Variants in SMAD2 observed in about 807,000 individuals in gnomAD.
The protein encoded by SMAD2 is SMAD family member 2, also known as MAD homolog 2.
In SMAD2, 8 loss-of-function variants were observed where a neutral mutation model predicts 64.4. That is an observed-to-expected ratio of 0.12 (90% CI 0.07 to 0.22). SMAD2 has a LOEUF of 0.22. Among genes scored for constraint, SMAD2 ranks in the 10% least tolerant of loss-of-function variants. The probability of loss-of-function intolerance (pLI) is 1.00; values close to 1 mark genes in which losing one functional copy is unlikely to be tolerated. For missense variants in SMAD2, 289 were observed against 561.2 expected, an observed-to-expected ratio of 0.51 and a Z score of 4.90; for synonymous variants, 203 against 195.8, an observed-to-expected ratio of 1.04 and a Z score of -0.31.
Position 47,823,366 on chromosome 18 carries a change from C to CT in SMAD2, c.*18460dup, listed in dbSNP as rs917044207. The CT allele has an allele frequency of 6.6e-6, 1 of 152,170 alleles. No individual in the cohort carries two copies. Among genetic ancestry groups the CT allele is most frequent in the African/African-American group, 2.4e-5 (1 of 41,434 alleles). 9.4% of individuals were successfully genotyped at this position (152,170 alleles called of 1,614,324 possible). On this transcript the variant is annotated 3_prime_UTR_variant, in exon 11 of 11. Transcript: ENST00000262160. ...ACATCTTTGGTAAAAATCAGGGTAA[C>CT]TTTAAGTTTCTGAAGAAAGCTATAT...
chr18:47,892,613 C>T (rs1034943325), intron 2 of SMAD2, among the ~76,000 whole-genome samples: 3 of 151,684 alleles, frequency 2.0e-5, no homozygotes, highest in African/African-American at 7.3e-5. Context: ...TTTCGCTATT[C>T]TTGTTTAATT....
At chr18:47,862,017 G>A (rs899222741) in intron 6 of SMAD2, among the ~76,000 whole-genome samples, 1 of 152,198 alleles carries the variant, frequency 6.6e-6, no homozygotes, top group Non-Finnish European at 1.5e-5. Flanking sequence ...GTCTCACTAT[G>A]CTATTTTGAT....
chr18:47,898,862 T>C (rs889434558), intron 1 of SMAD2, among the ~76,000 whole-genome samples: 3 of 149,504 alleles, frequency 2.0e-5, no homozygotes, highest in African/African-American at 7.4e-5. Flanking sequence ...GCTTGCCATT[T>C]ATTCATTCCT....
chr18:47,871,630 A>T (rs769570283), intron 2 of SMAD2, among the ~76,000 whole-genome samples: 1 of 152,156 alleles, frequency 6.6e-6, no homozygotes, highest in Non-Finnish European at 1.5e-5. Flanking sequence ...CCTGTTCTGA[A>T]ATTTTCCAGC....
At chr18:47,919,490 ACACACACACACACACACACAC>A (rs2034476612) in intron 1 of SMAD2, among the ~76,000 whole-genome samples, 3 of 131,494 alleles carry the variant, frequency 2.3e-5, no homozygotes, top group Non-Finnish European at 3.2e-5. Flanking sequence ...ACACACACAC[ACACACACACACACACACACAC>A]ACACACACAA....
intron 2 of SMAD2, among the ~76,000 whole-genome samples, chr18:47,882,041 C>CT (rs71162900): frequency 0.29 from 11,297 of 38,576 alleles, 4,109 homozygotes; most frequent in Non-Finnish European, 0.42. Context: ...CCACGCTTGG[C>CT]TTTTTTTTTT....
chr18:47,909,068 TAAA>T (rs74172082), intron 1 of SMAD2, among the ~76,000 whole-genome samples: 147 of 136,932 alleles, frequency 1.1e-3, no homozygotes, highest in African/African-American at 2.6e-3. Flanking sequence ...GAACTACAGC[TAAA>T]AAAAAAAAAA....
chr18:47,868,191 C>A, intron 5 of SMAD2, 132 bp downstream of exon 5: 2 of 778,578 alleles, frequency 2.6e-6, no homozygotes, highest in Non-Finnish European at 4.4e-6. Context: ...AATCACCCAA[C>A]GAATCCAATT....
Position 47,841,536 on chromosome 18 carries a change from C to T in SMAD2, c.*291G>A. The T allele has an allele frequency of 2.1e-6, 1 of 476,516 alleles. No individual in the cohort carries two copies. Among genetic ancestry groups the T allele is most frequent in the Middle Eastern group, 5.9e-4 (1 of 1,684 alleles). 29.5% of individuals were successfully genotyped at this position (476,516 alleles called of 1,614,324 possible). ...ACATTACCTGTACACATAACTACTA[C>T]TGTTATTAATAAACCTTTGGGACAC... On this transcript the variant is annotated 3_prime_UTR_variant, in exon 11 of 11. Coordinates refer to ENST00000262160, the MANE Select transcript of SMAD2 (RefSeq NM_005901.6).
At chr18:47,891,236 C>T (rs1404970465) in intron 2 of SMAD2, among the ~76,000 whole-genome samples, 12 of 152,068 alleles carry the variant, frequency 7.9e-5, no homozygotes, top group African/African-American at 1.9e-4. Context: ...ACCTGGGAGG[C>T]GGAAGTTGCA....
chr18:47,809,093 T>C lies in SMAD2; in HGVS notation c.*32734A>G, dbSNP rs1912118952. On this transcript the variant is annotated 3_prime_UTR_variant, in exon 11 of 11. Coordinates refer to ENST00000262160, the MANE Select transcript of SMAD2 (RefSeq NM_005901.6). Reference sequence around the variant, plus strand: ...GCCTAAGGCGGTGCTGAAGGAAGAATTCTCAGCAGCAGTTCTCAACAACAG... The same window carrying C: ...GCCTAAGGCGGTGCTGAAGGAAGAACTCTCAGCAGCAGTTCTCAACAACAG... 6.6e-6 allele frequency: 1 copy of C among 152,248 alleles called. No individual in the cohort carries two copies. Among genetic ancestry groups the C allele is most frequent in the African/African-American group, 2.4e-5 (1 of 41,454 alleles). 9.4% of individuals were successfully genotyped at this position (152,248 alleles called of 1,614,324 possible). A position where few individuals can be genotyped will look rare whatever the true frequency, so the allele number is the denominator to read the frequency against.
chr18:47,887,711 T>C (rs941193331), intron 2 of SMAD2, among the ~76,000 whole-genome samples: 1 of 152,176 alleles, frequency 6.6e-6, no homozygotes, highest in Non-Finnish European at 1.5e-5. Flanking sequence ...ATTCTACCGA[T>C]ACAGGGGCAG....
At chr18:47,920,507 C>T (rs934476136) in intron 1 of SMAD2, among the ~76,000 whole-genome samples, 3 of 152,166 alleles carry the variant, frequency 2.0e-5, no homozygotes, top group Non-Finnish European at 4.4e-5. Flanking sequence ...GGCTATCATA[C>T]TGGACAGAGC....
intron 2 of SMAD2, chr18:47,882,369 T>A (rs2032658044): frequency 6.6e-6 from 1 of 151,920 alleles, no homozygotes; most frequent in Non-Finnish European, 1.5e-5. Flanking sequence ...TGGGTAATTT[T>A]ATCTGTCTAT....
At chr18:47,866,259 T>C (rs1017089239) in intron 5 of SMAD2, among the ~76,000 whole-genome samples, 39 of 124,244 alleles carry the variant, frequency 3.1e-4, no homozygotes, top group Non-Finnish European at 5.7e-4. Context: ...GAGGCTGCGG[T>C]GAGCCGAGAT....
chr18:47,894,699 T>C (rs187314629), intron 2 of SMAD2, among the ~76,000 whole-genome samples: 159 of 152,348 alleles, frequency 1.0e-3, no homozygotes, highest in African/African-American at 3.7e-3. Context: ...TTATAACATC[T>C]ACCAAGCCTC....
intron 1 of SMAD2, among the ~76,000 whole-genome samples, chr18:47,903,065 A>C (rs1289410681): frequency 6.6e-6 from 1 of 152,158 alleles, no homozygotes; most frequent in East Asian, 1.9e-4. Flanking sequence ...TAAGGAGCTT[A>C]AGATCTCCCA....
At chr18:47,902,063 T>C (rs1223349197) in intron 1 of SMAD2, among the ~76,000 whole-genome samples, 1 of 152,170 alleles carries the variant, frequency 6.6e-6, no homozygotes, top group Non-Finnish European at 1.5e-5. Context: ...TTGGTTTATC[T>C]CTTCCGCCCA....
intron 2 of SMAD2, among the ~76,000 whole-genome samples, chr18:47,890,447 T>C (rs1367616394): frequency 1.3e-5 from 2 of 152,202 alleles, no homozygotes; most frequent in Non-Finnish European, 2.9e-5. Context: ...TAATGTGAGT[T>C]CTCCTGAAAA....
Sources: allele counts gnomAD v4.1 joint callset (sites outside exome capture counted in the v4.1 genomes callset), GRCh38; gene constraint gnomAD v4.1.1; transcripts MANE v1.5; gene names NCBI Gene and HGNC (gene_info 2026-07-23, HGNC 2026-07-21).